Variants in EFHD2 observed in about 807,000 individuals in gnomAD.
The protein encoded by EFHD2 is EF-hand domain-containing protein D2.
Under a neutral mutation model 20.3 loss-of-function variants are expected in EFHD2, and 12 were observed. The observed-to-expected ratio is 0.59, with a 90% CI of 0.38 to 0.96. EFHD2 has a LOEUF of 0.96. Ranked by LOEUF, EFHD2 falls within the 40% of genes least tolerant of loss-of-function variation. The pLI, the probability that EFHD2 is intolerant of heterozygous loss-of-function variation, is 0.00. For missense variants in EFHD2, 250 were observed against 334.3 expected, an observed-to-expected ratio of 0.75 and a Z score of 1.97; for synonymous variants, 131 against 143.9, an observed-to-expected ratio of 0.91 and a Z score of 0.64.
Position 15,409,916 on chromosome 1 carries a change from G to A in EFHD2, c.-56G>A. 5 of 1,197,478 alleles carry A rather than the reference G, an allele frequency of 4.2e-6. No homozygotes were observed. Among genetic ancestry groups the A allele is most frequent in the African/African-American group, 1.6e-5 (1 of 62,796 alleles). The allele number at this position is 1,197,478 out of a possible 1,614,324, so 74.2% of individuals were successfully genotyped here. A position where few individuals can be genotyped will look rare whatever the true frequency, so the allele number is the denominator to read the frequency against. On this transcript the variant is annotated 5_prime_UTR_variant, in exon 1 of 4. Transcript: ENST00000375980. Reference sequence around the variant, plus strand: ...TGTCAGGAAGAGGAAGAGCGCGGCCGGCGGCGCTGCGCTGAGAGCAGGGGC... The same window carrying A: ...TGTCAGGAAGAGGAAGAGCGCGGCCAGCGGCGCTGCGCTGAGAGCAGGGGC...
rs755413548 is a variant in EFHD2 at position 15,413,141 on chromosome 1, G to T, written c.308+2862G>T. ...GTCCGAGTGGGGCTGCAGCCTCCTG[G>T]GTCCAAGCAGGGTCCTAGGATCAAA... On this transcript the variant is annotated intron_variant, in intron 1 of 3. Transcript: ENST00000375980. The surrounding 1 kb of genome is among the most constrained non-coding windows in gnomAD (Gnocchi z 4.4). Among the ~76,000 whole-genome samples the T allele has an allele frequency of 1.3e-5, 2 of 152,192 alleles. No individual in the cohort carries two copies. The highest frequency in any genetic ancestry group is 4.8e-5 in the African/African-American group (2 of 41,460).
chr1:15,414,994 C>G (rs1056277438), intron 1 of EFHD2, among the ~76,000 whole-genome samples: 7 of 152,154 alleles, frequency 4.6e-5, no homozygotes, highest in African/African-American at 1.4e-4. Flanking sequence ...AAGAACCTAC[C>G]TGGTAAAGTT....
chr1:15,425,585 A>C (rs1707860432), intron 1 of EFHD2, among the ~76,000 whole-genome samples: 1 of 151,704 alleles, frequency 6.6e-6, no homozygotes, highest in African/African-American at 2.4e-5. Context: ...CAGCACACGG[A>C]GCCTGTCATT....
At chr1:15,418,617 T>C (rs1183994032) in intron 1 of EFHD2, among the ~76,000 whole-genome samples, 2 of 145,688 alleles carry the variant, frequency 1.4e-5, no homozygotes, top group Non-Finnish European at 3.0e-5. Flanking sequence ...AACTTTCTAA[T>C]AGTTCCAAAG....
intron 1 of EFHD2, among the ~76,000 whole-genome samples, chr1:15,415,862 A>G (rs1239857433): frequency 1.3e-5 from 2 of 151,942 alleles, no homozygotes; most frequent in Admixed American, 6.6e-5. Flanking sequence ...CTTGTCTAAG[A>G]TTATATTAAG....
rs185118846 is a variant in EFHD2 at position 15,424,631 on chromosome 1, C to T, written c.309-1240C>T. Reference sequence around the variant, plus strand: ...GTCCCTGAACACACCCAGGCTGCCTCCTGCCACCTGGCCCTGCCTCCTGCC... The same window carrying T: ...GTCCCTGAACACACCCAGGCTGCCTTCTGCCACCTGGCCCTGCCTCCTGCC... On this transcript the variant is annotated intron_variant, in intron 1 of 3. Coordinates refer to ENST00000375980, the MANE Select transcript of EFHD2 (RefSeq NM_024329.6). Among the ~76,000 whole-genome samples the T allele has an allele frequency of 2.3e-3, 349 of 152,366 alleles. 1 individual carries two copies. Among genetic ancestry groups the T allele is most frequent in the African/African-American group, 8.2e-3 (342 of 41,580 alleles).
At chr1:15,417,668 G>A (rs556010568) in intron 1 of EFHD2, among the ~76,000 whole-genome samples, 87 of 152,342 alleles carry the variant, frequency 5.7e-4, no homozygotes, top group Admixed American at 5.4e-3. Flanking sequence ...AGTGGTGAGC[G>A]CTGGGCTTTC....
chr1:15,411,542 C>T (rs1360510140), intron 1 of EFHD2, among the ~76,000 whole-genome samples: 2 of 152,230 alleles, frequency 1.3e-5, no homozygotes, highest in African/African-American at 2.4e-5. Flanking sequence ...GCCAGTGCCC[C>T]TCCCTTTGGT....
intron 1 of EFHD2, among the ~76,000 whole-genome samples, chr1:15,411,817 C>T (rs577916162): frequency 6.6e-6 from 1 of 152,266 alleles, no homozygotes; most frequent in Non-Finnish European, 1.5e-5. Flanking sequence ...CAGCCACATG[C>T]AGCTGTCAGT....
intron 1 of EFHD2, among the ~76,000 whole-genome samples, chr1:15,418,411 T>C (rs1206193159): frequency 6.7e-6 from 1 of 148,776 alleles, no homozygotes; most frequent in Non-Finnish European, 1.5e-5. Flanking sequence ...GTTCACGCCA[T>C]TCTCCTGCCT....
chr1:15,423,288 C>G (rs1484598562), intron 1 of EFHD2, among the ~76,000 whole-genome samples: 4 of 152,216 alleles, frequency 2.6e-5, no homozygotes, highest in Non-Finnish European at 2.9e-5. Flanking sequence ...ACCTCCACCC[C>G]AACCCTCATC....
At chr1:15,410,641 G>A (rs749627558) in intron 1 of EFHD2, among the ~76,000 whole-genome samples, 13 of 138,648 alleles carry the variant, frequency 9.4e-5, no homozygotes, top group Non-Finnish European at 1.7e-4. Context: ...CGGGCCCTCC[G>A]CGCTGTTAGT....
intron 1 of EFHD2, 120 bp from the exon 2 acceptor site, chr1:15,425,751 A>C: frequency 7.1e-7 from 1 of 1,402,604 alleles, no homozygotes; most frequent in Non-Finnish European, 9.6e-7. Flanking sequence ...CCCTTCCAAC[A>C]GTGACGGGAT....
Position 15,410,175 on chromosome 1 carries a change from C to T in EFHD2, c.204C>T (p.Gly68=), listed in dbSNP as rs1422476920. ...KLLRRADLNQ[G]IGEPQSPSRR... is the part of the protein sequence containing the mutation. ...TGCGGCGCGCAGACCTCAACCAGGG[C>T]ATCGGCGAGCCCCAGTCGCCCAGCC... The change falls in exon 1 of 4, where the codon GGC becomes GGT. Residue 68 remains glycine (G), a synonymous_variant. Transcript: ENST00000375980. 6.2e-7 allele frequency: 1 copy of T among 1,605,076 alleles called. No individual in the cohort carries two copies. The highest frequency in any genetic ancestry group is 8.5e-7 in the Non-Finnish European group (1 of 1,176,894).
chr1:15,418,778 C>G (rs1428769717), intron 1 of EFHD2, among the ~76,000 whole-genome samples: 2 of 152,208 alleles, frequency 1.3e-5, no homozygotes, highest in East Asian at 1.9e-4. Context: ...AAGTTCTCTG[C>G]TGTGTCCTGA....
intron 1 of EFHD2, among the ~76,000 whole-genome samples, chr1:15,411,377 T>A (rs1486744731): frequency 2.0e-5 from 3 of 151,926 alleles, no homozygotes. Flanking sequence ...CTCATCCCCC[T>A]GTCCCCCCAC....
intron 1 of EFHD2, among the ~76,000 whole-genome samples, chr1:15,421,994 C>T (rs1707799607): frequency 6.6e-6 from 1 of 151,874 alleles, no homozygotes; most frequent in Non-Finnish European, 1.5e-5. Context: ...GGGATGGGCT[C>T]AGTCGTTCCT....
Position 15,413,860 on chromosome 1 carries a change from G to T in EFHD2, c.308+3581G>T, listed in dbSNP as rs924529682. 1.4e-4 allele frequency among the ~76,000 whole-genome samples: 21 copies of T among 152,162 alleles called. No homozygotes were observed. The highest frequency in any genetic ancestry group is 4.6e-4 in the Admixed American group (7 of 15,282). ...CACAAGGAGGCTCTGCGTCTCCCTGGCCCTCGCAGCCAGGACTCTCCATCC... is the reference window on the plus strand; with the variant it reads ...CACAAGGAGGCTCTGCGTCTCCCTGTCCCTCGCAGCCAGGACTCTCCATCC... On this transcript the variant is annotated intron_variant, in intron 1 of 3. Coordinates refer to ENST00000375980, the MANE Select transcript of EFHD2 (RefSeq NM_024329.6). This position sits in a 1 kb window ranked among gnomAD's most constrained non-coding sequence, Gnocchi z 4.4.
At chr1:15,416,590 G>C (rs570436853) in intron 1 of EFHD2, among the ~76,000 whole-genome samples, 1 of 152,006 alleles carries the variant, frequency 6.6e-6, no homozygotes, top group Admixed American at 6.6e-5. Context: ...CATTATCCTC[G>C]CCCATTTCAC....
Sources: allele counts gnomAD v4.1 joint callset (sites outside exome capture counted in the v4.1 genomes callset), GRCh38; gene constraint gnomAD v4.1.1; non-coding constraint Gnocchi (gnomAD v3.1); transcripts MANE v1.5; gene names NCBI Gene and HGNC (gene_info 2026-07-23, HGNC 2026-07-21).